Variants in XYLB observed in about 807,000 individuals in gnomAD.
The protein encoded by XYLB is xylulokinase.
In XYLB, 62 loss-of-function variants were observed where a neutral mutation model predicts 78.7. The ratio of observed to expected loss-of-function variants is 0.79; its 90% confidence interval spans 0.64 to 0.97. The LOEUF (loss-of-function observed/expected upper bound fraction) is 0.97, where lower values mean the gene tolerates loss of function less well. XYLB is among the 50% of genes least tolerant of loss of function. The probability of loss-of-function intolerance (pLI) is 0.00; values close to 1 mark genes in which losing one functional copy is unlikely to be tolerated. For synonymous variants in XYLB, 245 were observed against 247.4 expected (o/e 0.99, Z 0.09); for missense variants, 687 against 676.8 (o/e 1.02, Z -0.17).
At chr3:38,372,038 G>A (rs1706593915) in intron 9 of XYLB, among the ~76,000 whole-genome samples, 1 of 152,210 alleles carries the variant, frequency 6.6e-6, no homozygotes, top group Non-Finnish European at 1.5e-5. Flanking sequence ...TTGAGGATCG[G>A]GAAAGAACTG....
the XYLB span, among the ~76,000 whole-genome samples, chr3:38,431,875 A>C: frequency 6.6e-6 from 1 of 152,180 alleles, no homozygotes; most frequent in Admixed American, 6.5e-5. Context: ...TTAGAACAGC[A>C]TGGGGAAACT....
chr3:38,423,500 A>T (rs139215259), downstream of XYLB, among the ~76,000 whole-genome samples: 2 of 152,234 alleles, frequency 1.3e-5, no homozygotes, highest in African/African-American at 2.4e-5. Flanking sequence ...GATTCCAAAA[A>T]ATTGGCCTTT....
chr3:38,451,113 C>T, the XYLB span: 3 of 151,948 alleles, frequency 2.0e-5, no homozygotes, highest in Admixed American at 6.6e-5. Context: ...TGACCAAAAC[C>T]AAGGGTTTAT....
downstream of XYLB, among the ~76,000 whole-genome samples, chr3:38,424,141 A>G (rs961473037): frequency 3.3e-5 from 5 of 152,184 alleles, no homozygotes; most frequent in Non-Finnish European, 7.3e-5. Context: ...AAGCTCAAAT[A>G]AATAGAATAG....
At chr3:38,362,479 C>T (rs1489079703) in intron 3 of XYLB, among the ~76,000 whole-genome samples, 1 of 152,152 alleles carries the variant, frequency 6.6e-6, no homozygotes. Context: ...CTCAAGTGAT[C>T]CTCCTGCCTT....
intron 7 of XYLB, among the ~76,000 whole-genome samples, chr3:38,367,493 T>C (rs1000397609): frequency 5.9e-5 from 9 of 152,248 alleles, no homozygotes; most frequent in African/African-American, 2.2e-4. Flanking sequence ...TGTGGTTTAT[T>C]ATTTAATGAT....
chr3:38,411,393 G>T (rs1248999943), intron 18 of XYLB, among the ~76,000 whole-genome samples: 1 of 151,812 alleles, frequency 6.6e-6, no homozygotes, highest in African/African-American at 2.4e-5. Flanking sequence ...GGTGGGGGGA[G>T]AGGGGAGGGA....
intron 18 of XYLB, among the ~76,000 whole-genome samples, chr3:38,403,875 C>T (rs1708213297): frequency 6.6e-6 from 1 of 152,058 alleles, no homozygotes; most frequent in African/African-American, 2.4e-5. Flanking sequence ...GAACCCTTTA[C>T]CATTGGATCC....
At position 38,368,222 on chromosome 3, in the gene XYLB, TC is replaced by T. The variant is rs1706365085; in HGVS notation, c.613del (p.Gly206AlafsTer14). The T allele has an allele frequency of 3.1e-6, 5 of 1,614,192 alleles. No individual in the cohort carries two copies. The highest frequency in any genetic ancestry group is 4.2e-6 in the Non-Finnish European group (5 of 1,180,028). On this transcript the variant is annotated frameshift_variant, in exon 8 of 19. Transcript: ENST00000207870. LOFTEE classifies it high-confidence loss of function. Reference protein sequence around the residue: ...SLVSSFAASLFLGSYSPIDYS... With the variant: ...SLVSSFAASLXLGSYSPIDYS... ...GTCAGTAGCTTTGCTGCTTCCCTGT[TC>T]CTTGGCTCTTACTCCCCTATTGACT...
At chr3:38,449,084 G>A in the XYLB span, among the ~76,000 whole-genome samples, 1 of 152,002 alleles carries the variant, frequency 6.6e-6, no homozygotes, top group Non-Finnish European at 1.5e-5. Flanking sequence ...GTTGCTCTGT[G>A]TTTTTCATTT....
intron 15 of XYLB, among the ~76,000 whole-genome samples, chr3:38,384,815 C>T (rs1386692043): frequency 6.6e-6 from 1 of 151,888 alleles, no homozygotes. Flanking sequence ...CGACCTGACA[C>T]GTGTGTGTGT....
At chr3:38,426,272 G>A (rs1330457892), downstream of XYLB, among the ~76,000 whole-genome samples, 1 of 152,192 alleles carries the variant, frequency 6.6e-6, no homozygotes, top group Non-Finnish European at 1.5e-5. Flanking sequence ...TCTGTAATGT[G>A]GCTAGGAGAT....
In XYLB at chr3:38,370,113, G is replaced by A; in HGVS notation, c.704G>A (p.Gly235Asp). 6.2e-7 allele frequency: 1 copy of A among 1,614,166 alleles called. No individual in the cohort carries two copies. The highest frequency in any genetic ancestry group is 8.5e-7 in the Non-Finnish European group (1 of 1,180,038). ...AAAGTCTGGTCCCAGGCTTGCCTTG[G>A]TGCCTGTGCACCTCATTTAGAGGAG... ...QDKVWSQACL[G>D]ACAPHLEEKL... Residue 235 changes from glycine to aspartate, a missense_variant, in exon 9 of 19, where the codon GGT (glycine) becomes GAT (aspartate). Gly to Asp is a moderately conservative substitution (Grantham distance 94). Coordinates refer to ENST00000207870, the MANE Select transcript of XYLB (RefSeq NM_005108.4).
chr3:38,371,935 C>T (rs1198483060), intron 9 of XYLB, among the ~76,000 whole-genome samples: 3 of 152,176 alleles, frequency 2.0e-5, no homozygotes, highest in Non-Finnish European at 4.4e-5. Context: ...AATCCACACA[C>T]GGCTTTTAGT....
chr3:38,435,516 T>G, the XYLB span, among the ~76,000 whole-genome samples: 2 of 152,184 alleles, frequency 1.3e-5, no homozygotes, highest in African/African-American at 4.8e-5. Context: ...ACACCCCACT[T>G]TCAGCATTAG....
Position 38,412,937 on chromosome 3 carries a change from T to A in XYLB, c.1535T>A (p.Val512Asp). ...AAACTGCTTTTTCTGCCCTTCTAGG[T>A]CTACGAGGCCCTTCTCCCCCAGTAT... ...AATPSPGASQ[V>D]YEALLPQYAK... is the part of the protein sequence containing the mutation. Residue 512 changes from valine (V) to aspartate (D), a missense_variant and splice_region_variant, in exon 19 of 19, where the codon GTC (valine) becomes GAC (aspartate). Coordinates refer to ENST00000207870, the MANE Select transcript of XYLB (RefSeq NM_005108.4). 1 of 1,602,942 alleles carries A rather than the reference T, an allele frequency of 6.2e-7. No homozygotes were observed. Among genetic ancestry groups the A allele is most frequent in the South Asian group, 1.1e-5 (1 of 89,068 alleles).
intron 2 of XYLB, 149 bp downstream of exon 2, chr3:38,348,781 A>C (rs1454257764): frequency 1.5e-6 from 1 of 666,038 alleles, no homozygotes; most frequent in African/African-American, 1.8e-5. Context: ...TTTTTTTCCT[A>C]TACCTAGAGT....
At chr3:38,441,709 T>G in the XYLB span, among the ~76,000 whole-genome samples, 1 of 152,148 alleles carries the variant, frequency 6.6e-6, no homozygotes, top group Non-Finnish European at 1.5e-5. Context: ...GTGAGATTCT[T>G]TTCTTGTATT....
intron 15 of XYLB, among the ~76,000 whole-genome samples, chr3:38,388,177 T>TG (rs769806462): frequency 0.016 from 2,286 of 144,318 alleles, 31 homozygotes; most frequent in Middle Eastern, 0.022. Flanking sequence ...TTGTTTTTTT[T>TG]TTTTTTTTTT....
Sources: allele counts gnomAD v4.1 joint callset (sites outside exome capture counted in the v4.1 genomes callset), GRCh38; gene constraint gnomAD v4.1.1; transcripts MANE v1.5; gene names NCBI Gene and HGNC (gene_info 2026-07-23, HGNC 2026-07-21).